LCORL: variants seen among roughly 807,000 people sequenced by gnomAD.
The protein encoded by LCORL is ligand-dependent nuclear receptor corepressor-like protein.
A neutral mutation model predicts 141.8 loss-of-function variants in LCORL; 41 were observed. That is an observed-to-expected ratio of 0.29 (90% confidence interval 0.23 to 0.38). The LOEUF is 0.38. Ranked by LOEUF, LCORL falls within the 10% of genes least tolerant of loss-of-function variation. The probability of loss-of-function intolerance (pLI) is 1.00; values close to 1 mark genes in which losing one functional copy is unlikely to be tolerated. For synonymous variants in LCORL, 618 were observed against 694.1 expected (o/e 0.89, Z 1.72); for missense variants, 1,759 against 2,035.0 (o/e 0.86, Z 2.61).
At position 18,021,794 on chromosome 4, in the gene LCORL, C is replaced by G; in HGVS notation, c.-43G>C. ...CGCCCTCATTTACATACGAGCAGCG[C>G]AGGCACGAGGCAGGGGCGCGAGCCC... is the stretch of plus-strand genomic sequence containing the variant. On this transcript the variant is annotated 5_prime_UTR_variant, in exon 1 of 8. Coordinates refer to ENST00000635767, the Ensembl canonical transcript of LCORL. The surrounding 1 kb of genome is among the most constrained non-coding windows in gnomAD (Gnocchi z 5.5). 1 of 1,443,718 alleles carries G rather than the reference C, an allele frequency of 6.9e-7. No individual in the cohort carries two copies. Among genetic ancestry groups the G allele is most frequent in the East Asian group, 2.7e-5 (1 of 36,444 alleles). 89.4% of individuals were successfully genotyped at this position (1,443,718 alleles called of 1,614,324 possible).
intron 6 of LCORL, chr4:17,881,837 A>C (rs1373931325): frequency 2.0e-6 from 2 of 984,098 alleles, no homozygotes; most frequent in East Asian, 2.3e-4. Context: ...TTTACCTTTA[A>C]CTTTGCTTTC....
intron 5 of LCORL, 33 bp downstream of exon 5, chr4:17,909,061 A>T (rs767368958): frequency 6.5e-7 from 1 of 1,531,960 alleles, no homozygotes; most frequent in South Asian, 1.3e-5. Context: ...TAAAACATCA[A>T]ATTATATATT....
intron 7 of LCORL, among the ~76,000 whole-genome samples, chr4:17,872,871 C>T (rs1245422150): frequency 6.6e-6 from 1 of 152,070 alleles, no homozygotes; most frequent in Non-Finnish European, 1.5e-5. Context: ...GACATAACAA[C>T]TTGGTGGGTG....
intron 4 of LCORL, among the ~76,000 whole-genome samples, chr4:17,949,685 T>C (rs1420685931): frequency 6.6e-6 from 1 of 152,184 alleles, no homozygotes; most frequent in Non-Finnish European, 1.5e-5. Flanking sequence ...GTAGAATTTA[T>C]ACTTCTTGTA....
At position 17,959,423 on chromosome 4, in the gene LCORL, T is replaced by C. The variant is rs533879696; in HGVS notation, c.430+2480A>G. Among the ~76,000 whole-genome samples, 52 of 152,136 alleles carry C rather than the reference T, an allele frequency of 3.4e-4. 1 individual carries two copies. The highest frequency in any genetic ancestry group is 3.1e-3 in the South Asian group (15 of 4,826). On this transcript the variant is annotated intron_variant, in intron 4 of 7. Transcript: ENST00000635767. ...GTTCAGCACACAGAGCTAAAAATCATGGTATTTAACTTTTCTGAGCTTCAC... is the reference window on the plus strand; with the variant it reads ...GTTCAGCACACAGAGCTAAAAATCACGGTATTTAACTTTTCTGAGCTTCAC...
At chr4:17,870,999 C>A (rs1042206072) in intron 7 of LCORL, among the ~76,000 whole-genome samples, 1 of 151,936 alleles carries the variant, frequency 6.6e-6, no homozygotes, top group Non-Finnish European at 1.5e-5. Flanking sequence ...ATATACACTG[C>A]CTTAGAAATT....
chr4:17,921,395 A>C (rs920609304), intron 4 of LCORL, among the ~76,000 whole-genome samples: 1 of 152,222 alleles, frequency 6.6e-6, no homozygotes, highest in Non-Finnish European at 1.5e-5. Flanking sequence ...TACCTTGTCC[A>C]GATCTATCAG....
intron 1 of LCORL, among the ~76,000 whole-genome samples, chr4:17,981,480 G>C (rs1044934290): frequency 5.3e-5 from 8 of 152,154 alleles, no homozygotes; most frequent in African/African-American, 1.7e-4. Flanking sequence ...CCTTCAGCCA[G>C]ACACGGTGGC....
At chr4:17,895,133 T>C (rs1577351614) in intron 5 of LCORL, among the ~76,000 whole-genome samples, 1 of 152,066 alleles carries the variant, frequency 6.6e-6, no homozygotes, top group African/African-American at 2.4e-5. Context: ...CAGTAATCAG[T>C]GTAATTAGCA....
chr4:17,935,505 C>T (rs998025402), intron 4 of LCORL, among the ~76,000 whole-genome samples: 5 of 152,168 alleles, frequency 3.3e-5, no homozygotes, highest in African/African-American at 9.7e-5. Flanking sequence ...TGGCTTGGTG[C>T]TATCCTCAGT....
At chr4:17,920,946 C>A (rs1734196145) in intron 4 of LCORL, among the ~76,000 whole-genome samples, 1 of 152,218 alleles carries the variant, frequency 6.6e-6, no homozygotes, top group African/African-American at 2.4e-5. Flanking sequence ...GGGTTGGAAT[C>A]AACTTTTTCC....
chr4:17,976,691 TA>T (rs1406169063), intron 1 of LCORL, among the ~76,000 whole-genome samples: 1 of 152,190 alleles, frequency 6.6e-6, no homozygotes, highest in Non-Finnish European at 1.5e-5. Context: ...CCATTTTTCC[TA>T]AAAGACAAAA....
chr4:18,010,422 A>G (rs1302617408), intron 1 of LCORL, among the ~76,000 whole-genome samples: 3 of 144,626 alleles, frequency 2.1e-5, no homozygotes, highest in African/African-American at 8.0e-5. Flanking sequence ...GTATATATAT[A>G]TGTATGTATG....
chr4:17,968,163 CCATTACTTTTTATTGA>C (rs1230026863), intron 2 of LCORL, among the ~76,000 whole-genome samples: 10 of 152,086 alleles, frequency 6.6e-5, no homozygotes, highest in Non-Finnish European at 1.5e-5. Context: ...CGGCCATTTG[CCATTACTTTTTATTGA>C]CATTACTTTT....
chr4:17,927,060 T>C (rs1204453803), intron 4 of LCORL, among the ~76,000 whole-genome samples: 2 of 152,232 alleles, frequency 1.3e-5, no homozygotes, highest in Non-Finnish European at 2.9e-5. Context: ...AAATTTCTTG[T>C]TTGGTACAGC....
chr4:17,935,363 T>C (rs1736682502), intron 4 of LCORL, among the ~76,000 whole-genome samples: 1 of 152,190 alleles, frequency 6.6e-6, no homozygotes. Context: ...ACTCATGAGT[T>C]CCAAATGAAT....
intron 1 of LCORL, among the ~76,000 whole-genome samples, chr4:18,016,592 G>C (rs1222308858): frequency 6.6e-6 from 1 of 151,992 alleles, no homozygotes; most frequent in African/African-American, 2.4e-5. Context: ...GTCCAAATTG[G>C]GATGTGCTAT....
At chr4:17,853,183 C>G (rs1193717147) in intron 7 of LCORL, among the ~76,000 whole-genome samples, 2 of 151,618 alleles carry the variant, frequency 1.3e-5, no homozygotes, top group African/African-American at 2.4e-5. Flanking sequence ...TATGATCTAT[C>G]ACCTTGTACT....
rs1728167534 is a variant in LCORL, at chr4:17,885,658, A to G, written c.776+410T>C. Among the ~76,000 whole-genome samples, 4 of 152,020 alleles carry G rather than the reference A, an allele frequency of 2.6e-5. No individual in the cohort carries two copies. The South Asian group carries it at 8.3e-4, about 31-fold the overall frequency. On this transcript the variant is annotated intron_variant, in intron 6 of 7. Coordinates refer to ENST00000635767, the Ensembl canonical transcript of LCORL. Reference sequence around the variant, plus strand: ...GCCACCACATCTAAAGTGCAATAAAAAAATCTAAACACTATAAACTAGCAT... The same window carrying G: ...GCCACCACATCTAAAGTGCAATAAAGAAATCTAAACACTATAAACTAGCAT...
Sources: allele counts gnomAD v4.1 joint callset (sites outside exome capture counted in the v4.1 genomes callset), GRCh38; gene constraint gnomAD v4.1.1; non-coding constraint Gnocchi (gnomAD v3.1); transcripts MANE v1.5; gene names NCBI Gene and HGNC (gene_info 2026-07-23, HGNC 2026-07-21).